The following NADSYN1 variants were observed in gnomAD, a reference collection of about 807,000 sequenced individuals.
NADSYN1 encodes glutamine-dependent NAD(+) synthetase.
NADSYN1 carries 80 observed loss-of-function variants against 99.3 expected under a neutral mutation model. That is an observed-to-expected ratio of 0.81 (90% CI 0.67 to 0.97). The LOEUF (loss-of-function observed/expected upper bound fraction) is 0.97. NADSYN1 is among the 50% of genes least tolerant of loss of function. The probability of loss-of-function intolerance (pLI) is 0.00; values close to 1 mark genes in which losing one functional copy is unlikely to be tolerated. For missense variants in NADSYN1, 859 were observed against 948.5 expected (o/e 0.91, Z 1.24); for synonymous variants, 385 against 372.1 (o/e 1.03, Z -0.40).
intron 9 of NADSYN1, chr11:71,474,870 C>G (rs906003358): frequency 8.3e-6 from 3 of 362,292 alleles, no homozygotes; most frequent in African/African-American, 2.1e-5. Flanking sequence ...AGCTGAACCC[C>G]GACACACAGC....
At position 71,484,596 on chromosome 11, in the gene NADSYN1, C is replaced by T. The variant is rs149588762; in HGVS notation, c.1455+149C>T. On this transcript the variant is annotated intron_variant, in intron 15 of 20. Coordinates refer to ENST00000319023, the MANE Select transcript of NADSYN1 (RefSeq NM_018161.5). Reference sequence around the variant, plus strand: ...ACCTAGGGACAGCCAGTGCTGGGGTCACAGCCTGTATGCCTCACTGAAGAC... The same window carrying T: ...ACCTAGGGACAGCCAGTGCTGGGGTTACAGCCTGTATGCCTCACTGAAGAC... The T allele has an allele frequency of 7.7e-4, 934 of 1,210,382 alleles. 2 individuals carry two copies. The highest frequency in any genetic ancestry group is 5.3e-4 in the Non-Finnish European group (473 of 890,210). The allele number at this position is 1,210,382 out of a possible 1,614,324, so 75.0% of individuals were successfully genotyped here.
intron 9 of NADSYN1, chr11:71,477,273 G>T: frequency 8.0e-7 from 1 of 1,243,024 alleles, no homozygotes; most frequent in Non-Finnish European, 1.0e-6. Context: ...ACCTTCTCAT[G>T]GAACGATCCT....
At chr11:71,500,281 G>A (rs1949848795) in intron 20 of NADSYN1, among the ~76,000 whole-genome samples, 1 of 152,228 alleles carries the variant, frequency 6.6e-6, no homozygotes, top group Admixed American at 6.5e-5. Flanking sequence ...GAGGCCACAA[G>A]ATGCCGCTTT....
chr11:71,477,213 C>T (rs563887114), intron 9 of NADSYN1: 6 of 1,184,494 alleles, frequency 5.1e-6, no homozygotes, highest in Middle Eastern at 2.4e-4. Context: ...GGAGTCAGGC[C>T]GCCGTGCGGC....
intron 18 of NADSYN1, 199 bp from the exon 19 acceptor site, chr11:71,497,284 C>T (rs1212044670): frequency 1.6e-6 from 1 of 610,330 alleles, no homozygotes; most frequent in Non-Finnish European, 2.8e-6. Context: ...AAACCAAATG[C>T]CTGGTTCTTC....
intron 14 of NADSYN1, among the ~76,000 whole-genome samples, chr11:71,484,062 T>G (rs1312793108): frequency 6.6e-6 from 1 of 152,202 alleles, no homozygotes; most frequent in East Asian, 1.9e-4. Flanking sequence ...GTCAGAGCTG[T>G]CAGAGCTGGA....
chr11:71,486,686 C>T (rs1330659727), intron 16 of NADSYN1, among the ~76,000 whole-genome samples: 3 of 151,358 alleles, frequency 2.0e-5, no homozygotes, highest in Admixed American at 2.0e-4. Flanking sequence ...CATCTGTCCA[C>T]CCAACCCATC....
At chr11:71,495,877 G>A (rs1949815470) in intron 18 of NADSYN1, among the ~76,000 whole-genome samples, 1 of 152,220 alleles carries the variant, frequency 6.6e-6, no homozygotes, top group Non-Finnish European at 1.5e-5. Context: ...GAATGAGAGG[G>A]AATGGGAGCA....
chr11:71,481,991 GT>G lies in NADSYN1; in HGVS notation c.1117del (p.Cys373AlafsTer8). On this transcript the variant is annotated frameshift_variant, in exon 13 of 21. Transcript: ENST00000319023. LOFTEE classifies it high-confidence loss of function. ...CCACCGCCTGCCTCATCTACTCCAT[GT>G]GCTGCCAGGTCTGCGAGGCCGTGAG... is the stretch of plus-strand genomic sequence containing the variant. ...AATACLIYSM[C>X]CQVCEAVRSG... 1 of 1,612,606 alleles carries G rather than the reference GT, an allele frequency of 6.2e-7. No individual in the cohort carries two copies. The highest frequency in any genetic ancestry group is 1.1e-5 in the South Asian group (1 of 90,748).
At chr11:71,495,464 T>G (rs1026463869) in intron 18 of NADSYN1, among the ~76,000 whole-genome samples, 3 of 152,208 alleles carry the variant, frequency 2.0e-5, no homozygotes, top group Non-Finnish European at 4.4e-5. Flanking sequence ...AAGCGTCCCG[T>G]GTGCCCTTGG....
intron 16 of NADSYN1, among the ~76,000 whole-genome samples, chr11:71,490,410 G>A (rs1352476320): frequency 1.3e-5 from 2 of 152,228 alleles, no homozygotes; most frequent in East Asian, 3.9e-4. Context: ...CACAGGTTCT[G>A]GGGATTAGGA....
intron 3 of NADSYN1, among the ~76,000 whole-genome samples, chr11:71,461,145 T>A (rs1949547876): frequency 6.6e-6 from 1 of 152,184 alleles, no homozygotes; most frequent in South Asian, 2.1e-4. Flanking sequence ...GGTGCGTTGT[T>A]CGGTGTGTGA....
chr11:71,459,548 G>GTGC (rs1949536563), intron 3 of NADSYN1: 1 of 155,096 alleles, frequency 6.4e-6, no homozygotes, highest in East Asian at 1.9e-4. Context: ...GCTGGAGTCT[G>GTGC]TGCTGCGCAC....
chr11:71,457,444 A>G (rs1002462146), intron 2 of NADSYN1, among the ~76,000 whole-genome samples: 2 of 152,272 alleles, frequency 1.3e-5, no homozygotes, highest in African/African-American at 4.8e-5. Context: ...TTGAAGAGTT[A>G]TAAGTGTTCT....
At chr11:71,454,695 A>C (rs570602005) in intron 1 of NADSYN1, among the ~76,000 whole-genome samples, 13 of 152,302 alleles carry the variant, frequency 8.5e-5, no homozygotes, top group South Asian at 4.1e-4. Context: ...CAGTGGCACC[A>C]CTGCTGGATC....
chr11:71,482,094 T>C, intron 13 of NADSYN1, 69 bp downstream of exon 13: 1 of 1,407,646 alleles, frequency 7.1e-7, no homozygotes, highest in Non-Finnish European at 9.8e-7. Flanking sequence ...GTTAGGGACC[T>C]AGGAGGGGGC....
chr11:71,482,827 A>G, intron 13 of NADSYN1, 22 bp from the exon 14 acceptor site: 4 of 1,611,054 alleles, frequency 2.5e-6, no homozygotes, highest in Non-Finnish European at 3.4e-6. Context: ...ACTTCCACCC[A>G]TTCTGTCCTG....
rs767993982 is a variant in NADSYN1, at chr11:71,455,181, A to C, written c.146+11A>C. On this transcript the variant is annotated intron_variant, in intron 2 of 20. Transcript: ENST00000319023. ...AGAGCTGGAAATATGGTGAGAACAG[A>C]CACAGACACCCTGGGGTCGTCAGCT... The C allele has an allele frequency of 1.9e-6, 3 of 1,610,670 alleles. No homozygotes were observed. The African/African-American group carries it at 4.0e-5, about 22-fold the overall frequency.
chr11:71,475,258 CT>C (rs1327957169), intron 9 of NADSYN1: 1 of 155,086 alleles, frequency 6.4e-6, no homozygotes, highest in African/African-American at 2.4e-5. Flanking sequence ...CACGCTGCCC[CT>C]GAGTCCTGGG....
Sources: allele counts gnomAD v4.1 joint callset (sites outside exome capture counted in the v4.1 genomes callset), GRCh38; gene constraint gnomAD v4.1.1; transcripts MANE v1.5; gene names NCBI Gene and HGNC (gene_info 2026-07-23, HGNC 2026-07-21).